CHL1: variants seen among roughly 807,000 people sequenced by gnomAD.
CHL1 encodes the protein neural cell adhesion molecule L1-like protein.
A neutral mutation model predicts 141.9 loss-of-function variants in CHL1; 96 were observed. The observed-to-expected ratio is 0.68, with a 90% CI of 0.57 to 0.80. The LOEUF (loss-of-function observed/expected upper bound fraction) is 0.80. Ranked by LOEUF, CHL1 falls within the 30% of genes least tolerant of loss-of-function variation. CHL1 has a pLI of 0.00. For synonymous variants in CHL1, 613 were observed against 502.2 expected (o/e 1.22, Z -2.95); for missense variants, 1,820 against 1,457.2 (o/e 1.25, Z -4.05).
chr3:201,740 C>T (rs1159053488), intron 1 of CHL1, among the ~76,000 whole-genome samples: 1 of 151,982 alleles, frequency 6.6e-6, no homozygotes, highest in Non-Finnish European at 1.5e-5. Context: ...ATGCTTTGAC[C>T]AGGGTTTCTT....
chr3:324,566 C>G (rs1700849076), intron 3 of CHL1, among the ~76,000 whole-genome samples: 1 of 151,872 alleles, frequency 6.6e-6, no homozygotes, highest in African/African-American at 2.4e-5. Flanking sequence ...GAAATGTAAT[C>G]TCGCTGCTCT....
chr3:311,903 A>G (rs1305172227), intron 2 of CHL1, among the ~76,000 whole-genome samples: 1 of 152,168 alleles, frequency 6.6e-6, no homozygotes, highest in Non-Finnish European at 1.5e-5. Context: ...TGTTGGGATT[A>G]TTCTCCATCC....
At chr3:348,543 G>A (rs1702959221) in intron 9 of CHL1, among the ~76,000 whole-genome samples, 1 of 152,114 alleles carries the variant, frequency 6.6e-6, no homozygotes, top group South Asian at 2.1e-4. Flanking sequence ...TTCATGAGGA[G>A]GGGTTTTTCT....
chr3:277,003 A>AC (rs2125274925), intron 2 of CHL1, among the ~76,000 whole-genome samples: 1 of 151,810 alleles, frequency 6.6e-6, no homozygotes, highest in African/African-American at 2.4e-5. Context: ...ACTTCTCTAT[A>AC]CCCAAATGAT....
rs1447419406 is a variant in CHL1, at chr3:407,893, G to A, written c.*2182G>A. 6.6e-6 allele frequency: 1 copy of A among 152,058 alleles called. No individual in the cohort carries two copies. The highest frequency in any genetic ancestry group is 1.5e-5 in the Non-Finnish European group (1 of 67,996). The allele number at this position is 152,058 out of a possible 1,614,324, so 9.4% of individuals were successfully genotyped here. A position where few individuals can be genotyped will look rare whatever the true frequency, so the allele number is the denominator to read the frequency against. The stretch of plus-strand genomic sequence containing the variant: ...AAGATTGCTCCTGCTCAGATCTTCT[G>A]AGTGGCTAAAACTTATGGATATGAA... On this transcript the variant is annotated 3_prime_UTR_variant, in exon 28 of 28. Transcript: ENST00000256509.
chr3:349,698 A>T (rs1703081490), intron 10 of CHL1, among the ~76,000 whole-genome samples, 155 bp downstream of exon 10: 2 of 152,226 alleles, frequency 1.3e-5, no homozygotes, highest in South Asian at 4.1e-4. Context: ...ACTTCAACTA[A>T]GCAGGTTTGT....
chr3:375,005 G>A (rs572089147), intron 15 of CHL1, among the ~76,000 whole-genome samples: 1 of 152,066 alleles, frequency 6.6e-6, no homozygotes, highest in South Asian at 2.1e-4. Flanking sequence ...GTAAGTGCTG[G>A]GAACTGCCAC....
intron 5 of CHL1, among the ~76,000 whole-genome samples, chr3:334,993 C>T (rs1701755009): frequency 2.0e-5 from 3 of 152,114 alleles, no homozygotes; most frequent in South Asian, 2.1e-4. Context: ...AAATAGTCTA[C>T]GAAATGTCTG....
chr3:386,662 C>T (rs1707746546), intron 19 of CHL1, among the ~76,000 whole-genome samples: 1 of 152,086 alleles, frequency 6.6e-6, no homozygotes, highest in Admixed American at 6.6e-5. Flanking sequence ...GCCCAAAACC[C>T]CACTAATGTT....
intron 15 of CHL1, among the ~76,000 whole-genome samples, chr3:368,511 A>T (rs1705194929): frequency 6.6e-6 from 1 of 152,112 alleles, no homozygotes; most frequent in Non-Finnish European, 1.5e-5. Context: ...TCAGATGGGT[A>T]GTTGTAAAAA....
intron 2 of CHL1, among the ~76,000 whole-genome samples, chr3:254,513 C>G (rs1378105247): frequency 6.6e-6 from 1 of 152,120 alleles, no homozygotes; most frequent in African/African-American, 2.4e-5. Context: ...ATACAGGGAG[C>G]TTGTGATGAG....
chr3:335,714 T>A (rs974980360), intron 5 of CHL1, among the ~76,000 whole-genome samples: 7 of 152,234 alleles, frequency 4.6e-5, no homozygotes, highest in Admixed American at 6.5e-5. Flanking sequence ...ATGTTCTACA[T>A]GAAATGAACA....
At chr3:263,332 AAAG>A (rs1694892201) in intron 2 of CHL1, among the ~76,000 whole-genome samples, 1 of 152,004 alleles carries the variant, frequency 6.6e-6, no homozygotes, top group African/African-American at 2.4e-5. Flanking sequence ...TAATCCGGAA[AAAG>A]AAAAAAAAAA....
chr3:389,504 C>T (rs41285105), intron 20 of CHL1, 30 bp downstream of exon 20: 16,250 of 1,513,754 alleles, frequency 0.011, 118 homozygotes, highest in Middle Eastern at 0.023. Flanking sequence ...CTGCTAAGCA[C>T]GTCAGTAACT....
chr3:404,107 G>A (rs1709350132), intron 27 of CHL1, among the ~76,000 whole-genome samples: 1 of 152,204 alleles, frequency 6.6e-6, no homozygotes, highest in African/African-American at 2.4e-5. Context: ...TCACTTAGGA[G>A]CACTGGCTGG....
At chr3:368,537 T>C (rs778802504) in intron 15 of CHL1, among the ~76,000 whole-genome samples, 10 of 152,226 alleles carry the variant, frequency 6.6e-5, no homozygotes, top group East Asian at 1.9e-4. Flanking sequence ...TGTCATTCTG[T>C]AGGTTGCCTG....
chr3:348,809 C>G (rs556877216), intron 9 of CHL1, among the ~76,000 whole-genome samples: 1 of 152,284 alleles, frequency 6.6e-6, no homozygotes, highest in South Asian at 2.1e-4. Context: ...TCCAGCTTGC[C>G]CTGGAATAGG....
At chr3:326,485 G>T (rs1701023365) in intron 4 of CHL1, among the ~76,000 whole-genome samples, 1 of 151,524 alleles carries the variant, frequency 6.6e-6, no homozygotes, top group Non-Finnish European at 1.5e-5. Context: ...TTATTTTGTG[G>T]ATAGGTTGTT....
rs563107196 is a variant in CHL1 at position 337,905 on chromosome 3, G to A, written c.386-2889G>A. Among the ~76,000 whole-genome samples, 541 of 152,240 alleles carry A rather than the reference G, an allele frequency of 3.6e-3. 3 individuals carry two copies. Among genetic ancestry groups the A allele is most frequent in the African/African-American group, 0.012 (492 of 41,540 alleles). ...ATATACCCAGTAATGGGATGGCTGG[G>A]TCAAATGGTATTTCTAGTTCTAGAT... On this transcript the variant is annotated intron_variant, in intron 5 of 27. Transcript: ENST00000256509.
Sources: gnomAD v4.1 joint callset for allele counts (sites outside exome capture counted in the v4.1 genomes callset) on GRCh38, gnomAD v4.1.1 for gene constraint, MANE v1.5 for transcripts, NCBI Gene and HGNC (gene_info 2026-07-23, HGNC 2026-07-21) for gene names.